Variants in ZNF429 observed in about 807,000 individuals in gnomAD.
ZNF429 encodes the protein zinc finger protein 429.
In ZNF429, 53 loss-of-function variants were observed where a neutral mutation model predicts 56.8. The ratio of observed to expected loss-of-function variants is 0.93; its 90% CI spans 0.75 to 1.17. The LOEUF (loss-of-function observed/expected upper bound fraction) is 1.17. Ranked by LOEUF, ZNF429 falls within the 50% of genes most tolerant of loss-of-function variation. The probability of loss-of-function intolerance (pLI) is 0.00; values close to 1 mark genes in which losing one functional copy is unlikely to be tolerated. For missense variants in ZNF429, 849 were observed against 788.4 expected (o/e 1.08, Z -0.92); for synonymous variants, 278 against 264.7 (o/e 1.05, Z -0.49).
Position 21,535,503 on chromosome 19 carries a change from C to CT in ZNF429, c.227-774dup. On this transcript the variant is annotated intron_variant, in intron 3 of 3. Coordinates refer to ENST00000358491, the MANE Select transcript of ZNF429 (RefSeq NM_001001415.4). ...TTCTTTCTTTCTTTCTTTCTTCTTT[C>CT]TTTCTTTCTTTCCTTCTTTTTCTTT... Among the ~76,000 whole-genome samples, 364 of 77,344 alleles carry CT rather than the reference C, an allele frequency of 4.7e-3. 35 individuals are homozygous for CT. Among genetic ancestry groups the CT allele is most frequent in the African/African-American group, 0.019 (350 of 18,858 alleles). The allele number at this position is 77,344 out of a possible 152,430, so 50.7% of individuals were successfully genotyped here.
intron 1 of ZNF429, among the ~76,000 whole-genome samples, chr19:21,513,017 C>A (rs1238862655): frequency 2.0e-5 from 3 of 151,904 alleles, no homozygotes; most frequent in Admixed American, 6.6e-5. Flanking sequence ...ACTACAGGCG[C>A]CTGCCACCAT....
At chr19:21,529,085 A>G (rs1012621668) in intron 1 of ZNF429, 1 of 152,086 alleles carries the variant, frequency 6.6e-6, no homozygotes, top group African/African-American at 2.4e-5. Context: ...TGTTTACAGG[A>G]CAAAAAAACT....
chr19:21,535,369 C>CTCT, intron 3 of ZNF429, among the ~76,000 whole-genome samples: 21 of 73,464 alleles, frequency 2.9e-4, no homozygotes, highest in South Asian at 9.7e-4. Context: ...TTCTTTCTTT[C>CTCT]TTTCTTTCTT....
At chr19:21,524,443 G>A (rs1313841990) in intron 1 of ZNF429, among the ~76,000 whole-genome samples, 1 of 152,026 alleles carries the variant, frequency 6.6e-6, no homozygotes, top group African/African-American at 2.4e-5. Context: ...CAGGAAAATC[G>A]CTTGAACCTA....
chr19:21,524,527 CA>C (rs956212682), intron 1 of ZNF429, among the ~76,000 whole-genome samples: 3,059 of 137,308 alleles, frequency 0.022, 63 homozygotes, highest in African/African-American at 0.052. Context: ...GACTCCATCT[CA>C]AAAAAAAAAA....
chr19:21,512,224 T>C (rs1328942539), intron 1 of ZNF429, among the ~76,000 whole-genome samples: 1 of 152,176 alleles, frequency 6.6e-6, no homozygotes, highest in African/African-American at 2.4e-5. Context: ...GTTATGGCAC[T>C]GATGGGAGTG....
chr19:21,522,777 A>G (rs559103913), intron 1 of ZNF429, among the ~76,000 whole-genome samples: 1 of 152,232 alleles, frequency 6.6e-6, no homozygotes, highest in African/African-American at 2.4e-5. Context: ...GGTGCCTGCA[A>G]TCCCAGCTAC....
At chr19:21,505,856 C>T in intron 1 of ZNF429, 82 bp downstream of exon 1, 2 of 1,494,124 alleles carry the variant, frequency 1.3e-6, no homozygotes, top group East Asian at 2.3e-5. Context: ...GGACTTAGGT[C>T]TCCCGGCAGT....
chr19:21,535,502 T>TCTTCTTG, intron 3 of ZNF429, among the ~76,000 whole-genome samples: 1 of 135,262 alleles, frequency 7.4e-6, no homozygotes, highest in African/African-American at 3.0e-5. Flanking sequence ...CTTTCTTCTT[T>TCTTCTTG]CTTTCTTTCT....
chr19:21,532,299 C>CT, intron 3 of ZNF429, among the ~76,000 whole-genome samples: 2 of 151,328 alleles, frequency 1.3e-5, no homozygotes, highest in Non-Finnish European at 2.9e-5. Flanking sequence ...CTACAATAAA[C>CT]TTTGACTAGC....
intron 3 of ZNF429, among the ~76,000 whole-genome samples, chr19:21,535,798 C>A: frequency 6.6e-6 from 1 of 152,046 alleles, no homozygotes; most frequent in Non-Finnish European, 1.5e-5. Context: ...CAGGCATGAG[C>A]CACCGCGCCT....
Position 21,538,065 on chromosome 19 carries a change from A to G in ZNF429, c.2012A>G (p.Asp671Gly). ...CGGATCACGAGGTCAGGAGATCGAG[A>G]CCGTCCTGGCTAACATGGTGAAACC... is the stretch of plus-strand genomic sequence containing the variant. ...GGRITRSGDR[D>G]RPG The change falls in exon 4 of 4, where the codon GAC becomes GGC. Residue 671 changes from aspartate (D) to glycine (G), a missense_variant. Physicochemically the swap from Asp to Gly is moderately conservative, Grantham distance 94. Transcript: ENST00000358491. 4.5e-6 allele frequency: 6 copies of G among 1,343,476 alleles called. No homozygotes were observed. The highest frequency in any genetic ancestry group is 6.3e-6 in the Non-Finnish European group (6 of 946,724). The allele number at this position is 1,343,476 out of a possible 1,614,324, so 83.2% of individuals were successfully genotyped here. A position where few individuals can be genotyped will look rare whatever the true frequency, so the allele number is the denominator to read the frequency against.
At chr19:21,535,484 C>CT in intron 3 of ZNF429, among the ~76,000 whole-genome samples, 1 of 70,800 alleles carries the variant, frequency 1.4e-5, no homozygotes, top group African/African-American at 5.6e-5. Flanking sequence ...TTCTTTCTTT[C>CT]TTTCTTTCTT....
intron 1 of ZNF429, among the ~76,000 whole-genome samples, chr19:21,522,090 A>G (rs2033004504): frequency 6.6e-6 from 1 of 152,226 alleles, no homozygotes; most frequent in Non-Finnish European, 1.5e-5. Context: ...GGAGTAGAGG[A>G]GCCATTGCTT....
chr19:21,509,585 C>T (rs147863246), intron 1 of ZNF429, among the ~76,000 whole-genome samples: 186 of 152,258 alleles, frequency 1.2e-3, no homozygotes, highest in Middle Eastern at 6.8e-3. Context: ...GGGGAGCCTC[C>T]CCTGCAGGTG....
At chr19:21,535,417 TTTCTTTCTTTCTTTCTTTCTTTCTTTC>T in intron 3 of ZNF429, among the ~76,000 whole-genome samples, 767 of 53,164 alleles carry the variant, frequency 0.014, 108 homozygotes, top group Middle Eastern at 0.017. Context: ...TTTTCTTTTC[TTTCTTTCTTTCTTTCTTTCTTTCTTTC>T]TTTCTTTCTT....
At chr19:21,514,895 G>A (rs1320539035) in intron 1 of ZNF429, among the ~76,000 whole-genome samples, 1 of 151,532 alleles carries the variant, frequency 6.6e-6, no homozygotes, top group Non-Finnish European at 1.5e-5. Flanking sequence ...CACTGTGCCT[G>A]GCCACCATAT....
chr19:21,517,969 T>A (rs575301460), intron 1 of ZNF429, among the ~76,000 whole-genome samples: 1 of 152,010 alleles, frequency 6.6e-6, no homozygotes, highest in African/African-American at 2.4e-5. Context: ...AATTTTTTTT[T>A]ATATTCTTAG....
In ZNF429 at chr19:21,539,443, A is replaced by G. The variant is rs1599500827; in HGVS notation, c.*1365A>G. Among the ~76,000 whole-genome samples, 2 of 152,042 alleles carry G rather than the reference A, an allele frequency of 1.3e-5. No homozygotes were observed. Among genetic ancestry groups the G allele is most frequent in the East Asian group, 3.9e-4 (2 of 5,188 alleles). The stretch of plus-strand genomic sequence containing the variant: ...TGTACTTTTTATTTATTTTTTTGAG[A>G]TGGAGTCTCACTTTGTTGCCTACGT... On this transcript the variant is annotated 3_prime_UTR_variant, in exon 4 of 4. Coordinates refer to ENST00000358491, the MANE Select transcript of ZNF429 (RefSeq NM_001001415.4).
Sources: gnomAD v4.1 joint callset for allele counts (sites outside exome capture counted in the v4.1 genomes callset) on GRCh38, gnomAD v4.1.1 for gene constraint, MANE v1.5 for transcripts, NCBI Gene and HGNC (gene_info 2026-07-23, HGNC 2026-07-21) for gene names.